The following INPP5B variants were observed in gnomAD, a reference collection of about 807,000 sequenced individuals.
The protein encoded by INPP5B is type II inositol 1,4,5-trisphosphate 5-phosphatase.
A neutral mutation model predicts 118.5 loss-of-function variants in INPP5B; 90 were observed. The observed-to-expected ratio is 0.76, with a 90% CI of 0.64 to 0.90. The LOEUF (loss-of-function observed/expected upper bound fraction) is 0.90. Among genes scored for constraint, INPP5B ranks in the 40% least tolerant of loss-of-function variants. INPP5B has a pLI of 0.00. For missense variants in INPP5B, 984 were observed against 1,125.6 expected (o/e 0.87, Z 1.80); for synonymous variants, 385 against 418.9 (o/e 0.92, Z 0.99).
intron 7 of INPP5B, among the ~76,000 whole-genome samples, chr1:37,898,065 AC>A (rs1557667810): frequency 6.6e-6 from 1 of 152,258 alleles, no homozygotes; most frequent in Non-Finnish European, 1.5e-5. Context: ...AAACTGTGAT[AC>A]ATCCATATAA....
chr1:37,903,862 G>A (rs186899669), intron 7 of INPP5B, among the ~76,000 whole-genome samples: 8 of 152,156 alleles, frequency 5.3e-5, no homozygotes, highest in African/African-American at 9.6e-5. Flanking sequence ...TATACTTGAC[G>A]GAGCAAGATT....
At chr1:37,943,717 C>G (rs1364262613) in intron 4 of INPP5B, 48 bp from the exon 5 acceptor site, 2 of 1,613,092 alleles carry the variant, frequency 1.2e-6, no homozygotes, top group Non-Finnish European at 1.7e-6. Flanking sequence ...GCTTACTCCC[C>G]CTTGCCCCCC....
Position 37,868,483 on chromosome 1 carries a change from T to G in INPP5B, c.2301+18A>C. On this transcript the variant is annotated intron_variant, in intron 20 of 23. Coordinates refer to ENST00000373024, the MANE Select transcript of INPP5B (RefSeq NM_005540.3). ...CAGCCTGGCCTCAATCAGGTCTGAA[T>G]GCTTAAACACAACCTACCTGCTGGA... is the stretch of plus-strand genomic sequence containing the variant. 6.4e-7 allele frequency: 1 copy of G among 1,571,276 alleles called. No individual in the cohort carries two copies. Among genetic ancestry groups the G allele is most frequent in the Non-Finnish European group, 8.8e-7 (1 of 1,141,144 alleles).
At chr1:37,890,574 G>A (rs897898655) in intron 8 of INPP5B, among the ~76,000 whole-genome samples, 1 of 152,084 alleles carries the variant, frequency 6.6e-6, no homozygotes, top group Non-Finnish European at 1.5e-5. Context: ...TTCAGTAGGG[G>A]GCACTGGAGT....
At chr1:37,946,424 A>G in intron 1 of INPP5B, 90 bp from the exon 2 acceptor site, 2 of 705,158 alleles carry the variant, frequency 2.8e-6, no homozygotes, top group Non-Finnish European at 2.4e-6. Flanking sequence ...GGCAGGAGGG[A>G]GGGGCCTTTG....
chr1:37,904,396 G>T (rs1644435104), intron 7 of INPP5B, among the ~76,000 whole-genome samples: 1 of 152,144 alleles, frequency 6.6e-6, no homozygotes, highest in South Asian at 2.1e-4. Flanking sequence ...AGGGTTAAAG[G>T]ATTGTTTAAG....
chr1:37,939,076 C>A (rs1645810274), intron 6 of INPP5B, among the ~76,000 whole-genome samples: 1 of 151,862 alleles, frequency 6.6e-6, no homozygotes. Flanking sequence ...CGCCAGTAAT[C>A]CCAGCTACTC....
At chr1:37,918,910 T>C (rs1195548523) in intron 7 of INPP5B, among the ~76,000 whole-genome samples, 1 of 152,184 alleles carries the variant, frequency 6.6e-6, no homozygotes, top group Non-Finnish European at 1.5e-5. Flanking sequence ...GTACCTCTCA[T>C]AGTTAGGTAA....
intron 6 of INPP5B, 123 bp downstream of exon 6, chr1:37,940,565 C>T: frequency 1.6e-6 from 1 of 628,554 alleles, no homozygotes; most frequent in Non-Finnish European, 2.9e-6. Context: ...GGCTTTACAC[C>T]AGCAGCTTCG....
Position 37,873,978 on chromosome 1 carries a change from G to C in INPP5B, c.1951+15C>G. ...CCCAAACCAGATACCAGGAAGCTAG[G>C]AACAGAGGCCTTACCTGGCAGGAGG... On this transcript the variant is annotated intron_variant, in intron 18 of 23. Transcript: ENST00000373024. 1 of 1,539,314 alleles carries C rather than the reference G, an allele frequency of 6.5e-7. No homozygotes were observed. The highest frequency in any genetic ancestry group is 8.8e-7 in the Non-Finnish European group (1 of 1,130,024).
At chr1:37,879,326 G>A (rs886625403) in intron 15 of INPP5B, among the ~76,000 whole-genome samples, 5 of 151,402 alleles carry the variant, frequency 3.3e-5, no homozygotes, top group Non-Finnish European at 5.9e-5. Flanking sequence ...CACTGCCTGG[G>A]TTCAAATCCT....
At chr1:37,868,703 G>T (rs775892299) in intron 19 of INPP5B, 89 bp from the exon 20 acceptor site, 37 of 809,004 alleles carry the variant, frequency 4.6e-5, no homozygotes, top group Non-Finnish European at 7.8e-5. Context: ...CACAGAAAAA[G>T]GAAAACATTC....
intron 7 of INPP5B, among the ~76,000 whole-genome samples, chr1:37,925,223 A>C (rs887034656): frequency 2.6e-5 from 4 of 151,840 alleles, no homozygotes; most frequent in Admixed American, 1.3e-4. Flanking sequence ...CAAAAAGAGA[A>C]AGTAATAGTG....
At chr1:37,938,086 C>T (rs1029512052) in intron 6 of INPP5B, among the ~76,000 whole-genome samples, 7 of 150,754 alleles carry the variant, frequency 4.6e-5, no homozygotes, top group African/African-American at 1.7e-4. Flanking sequence ...GCCTGATCAA[C>T]ATGGTGAAAC....
At chr1:37,944,698 C>T (rs1034781734) in intron 3 of INPP5B, among the ~76,000 whole-genome samples, 1 of 151,818 alleles carries the variant, frequency 6.6e-6, no homozygotes, top group Non-Finnish European at 1.5e-5. Context: ...CCTCCCGCCT[C>T]AGCCTCCTGA....
chr1:37,901,141 T>C (rs1357731819), intron 7 of INPP5B, among the ~76,000 whole-genome samples: 1 of 152,156 alleles, frequency 6.6e-6, no homozygotes, highest in Non-Finnish European at 1.5e-5. Flanking sequence ...TTCATTATTA[T>C]TGGATGCCAT....
intron 7 of INPP5B, among the ~76,000 whole-genome samples, chr1:37,903,726 C>CAA (rs56197070): frequency 6.8e-6 from 1 of 147,460 alleles, no homozygotes; most frequent in Non-Finnish European, 1.5e-5. Flanking sequence ...GACTCCGTCT[C>CAA]AAAAAAAAAA....
Position 37,874,133 on chromosome 1 carries a change from T to A in INPP5B, c.1811A>T (p.Tyr604Phe). Reference sequence around the variant, plus strand: ...AAAGGATTCTACTTTCAATTGCATGTACTTCACATTCTGAAAACAGAACTG... The same window carrying A: ...AAAGGATTCTACTTTCAATTGCATGAACTTCACATTCTGAAAACAGAACTG... ...KREFCFQNVK[Y>F]MQLKVESFTI... is the part of the protein sequence containing the mutation. Residue 604 changes from tyrosine (Y) to phenylalanine (F), a missense_variant, in exon 18 of 24, where the codon TAC becomes TTC. Around this residue, in one of 2 missense-constraint regions of INPP5B, gnomAD observed 634 missense variants for 791.0 expected, o/e 0.80. Transcript: ENST00000373024. 8 of 1,577,698 alleles carry A rather than the reference T, an allele frequency of 5.1e-6. No individual in the cohort carries two copies. Among genetic ancestry groups the A allele is most frequent in the Non-Finnish European group, 6.9e-6 (8 of 1,152,838 alleles).
chr1:37,917,783 T>TAAATA (rs2148623061), intron 7 of INPP5B, among the ~76,000 whole-genome samples: 1 of 152,108 alleles, frequency 6.6e-6, no homozygotes, highest in East Asian at 1.9e-4. Flanking sequence ...AATAAATAAA[T>TAAATA]AAATAAAATA....
Sources: allele counts gnomAD v4.1 joint callset (sites outside exome capture counted in the v4.1 genomes callset), GRCh38; gene constraint gnomAD v4.1.1; regional missense constraint gnomAD v4.1.1; transcripts MANE v1.5; gene names NCBI Gene and HGNC (gene_info 2026-07-23, HGNC 2026-07-21).